Variants in PIP5K1C observed in about 807,000 individuals in gnomAD.
The protein encoded by PIP5K1C is phosphatidylinositol 4-phosphate 5-kinase type-1 gamma.
In PIP5K1C, 45 loss-of-function variants were observed where a neutral mutation model predicts 80.1. The observed-to-expected ratio is 0.56, with a 90% confidence interval of 0.44 to 0.72. The LOEUF (loss-of-function observed/expected upper bound fraction) is 0.72. PIP5K1C is among the 30% of genes least tolerant of loss of function. PIP5K1C has a pLI of 0.00. For missense variants in PIP5K1C, 753 were observed against 954.6 expected (o/e 0.79, Z 2.78); for synonymous variants, 498 against 420.1 (o/e 1.19, Z -2.27).
rs374354205 is a variant in PIP5K1C, at chr19:3,635,708, G to A, written c.1921-2188C>T. On this transcript the variant is annotated intron_variant, in intron 16 of 17. Coordinates refer to ENST00000335312, the MANE Select transcript of PIP5K1C (RefSeq NM_012398.3). The stretch of plus-strand genomic sequence containing the variant: ...AAAAAAAACAAACAAGGCTGGGCGC[G>A]GTGGCTTACGCCTGTAATCCCAGCA... Among the ~76,000 whole-genome samples, 60 of 151,390 alleles carry A rather than the reference G, an allele frequency of 4.0e-4. No individual in the cohort carries two copies. In the East Asian group the frequency reaches 6.5e-3, roughly 16 times the overall value.
chr19:3,651,251 T>C (rs536866101), intron 8 of PIP5K1C, among the ~76,000 whole-genome samples: 275 of 152,020 alleles, frequency 1.8e-3, no homozygotes, highest in African/African-American at 6.4e-3. Flanking sequence ...AGATGGGGTC[T>C]TGCCATGTTG....
At chr19:3,651,604 C>G (rs2034452966) in intron 8 of PIP5K1C, among the ~76,000 whole-genome samples, 1 of 152,254 alleles carries the variant, frequency 6.6e-6, no homozygotes, top group Admixed American at 6.5e-5. Context: ...AACGCCCCCA[C>G]CATTGCAAGC....
In PIP5K1C at chr19:3,696,976, G is replaced by C. The variant is rs183554217; in HGVS notation, c.94+3321C>G. 1.3e-3 allele frequency among the ~76,000 whole-genome samples: 197 copies of C among 152,110 alleles called. 1 individual carries two copies. The highest frequency in any genetic ancestry group is 4.5e-3 in the African/African-American group (188 of 41,508). ...GGGCAAAGGAGGACTGAGCTGGACC[G>C]AGGAGGACTGAGCTGGACGGAGGAG... is the stretch of plus-strand genomic sequence containing the variant. On this transcript the variant is annotated intron_variant, in intron 1 of 17. Coordinates refer to ENST00000335312, the MANE Select transcript of PIP5K1C (RefSeq NM_012398.3). The surrounding 1 kb of genome is among the most constrained non-coding windows in gnomAD (Gnocchi z 4.1).
chr19:3,663,747 G>A (rs145756550), intron 3 of PIP5K1C, among the ~76,000 whole-genome samples: 13 of 152,336 alleles, frequency 8.5e-5, no homozygotes, highest in Middle Eastern at 3.4e-3. Flanking sequence ...GTGAGGACAC[G>A]GGGACGCTGG....
chr19:3,695,939 C>G (rs952477275), intron 1 of PIP5K1C, among the ~76,000 whole-genome samples: 1 of 152,016 alleles, frequency 6.6e-6, no homozygotes, highest in Non-Finnish European at 1.5e-5. Context: ...TATGTTGCTC[C>G]AGGCTGGTCT....
chr19:3,638,514 C>A (rs1230989153), intron 16 of PIP5K1C, among the ~76,000 whole-genome samples: 1 of 152,252 alleles, frequency 6.6e-6, no homozygotes, highest in Admixed American at 6.5e-5. Context: ...TGTGCCAGGG[C>A]CTCCCGAGGG....
chr19:3,660,925 C>T, intron 5 of PIP5K1C, 41 bp downstream of exon 5: 2 of 1,508,126 alleles, frequency 1.3e-6, no homozygotes, highest in South Asian at 1.1e-5. Flanking sequence ...TGAACATGTT[C>T]TGTTTCAAGC....
chr19:3,641,880 G>A (rs2033977728), intron 14 of PIP5K1C, 71 bp from the exon 15 acceptor site: 1 of 1,244,666 alleles, frequency 8.0e-7, no homozygotes, highest in Non-Finnish European at 1.2e-6. Flanking sequence ...GGAGTGCCCA[G>A]TGAACTCCAG....
In PIP5K1C at chr19:3,648,759, G is replaced by A. The variant is rs759179046; in HGVS notation, c.1128-51C>T. On this transcript the variant is annotated intron_variant, in intron 8 of 17. Coordinates refer to ENST00000335312, the MANE Select transcript of PIP5K1C (RefSeq NM_012398.3). The surrounding 1 kb of genome is among the most constrained non-coding windows in gnomAD (Gnocchi z 4.3). ...TCAGCATCCCGCAGAGCTGGGACTC[G>A]GGGCAGGCGGGGCTGGGGACTCCAG... The A allele has an allele frequency of 1.5e-5, 22 of 1,500,460 alleles. No individual in the cohort carries two copies. The Middle Eastern group carries it at 6.8e-4, about 47-fold the overall frequency. The allele number at this position is 1,500,460 out of a possible 1,614,324, so 92.9% of individuals were successfully genotyped here. A position where few individuals can be genotyped will look rare whatever the true frequency, so the allele number is the denominator to read the frequency against.
intron 16 of PIP5K1C, among the ~76,000 whole-genome samples, chr19:3,634,179 C>T (rs554318428): frequency 6.6e-6 from 1 of 150,436 alleles, no homozygotes; most frequent in Non-Finnish European, 1.5e-5. Flanking sequence ...TGCAGGGACA[C>T]GGACAGCTCT....
intron 3 of PIP5K1C, among the ~76,000 whole-genome samples, chr19:3,663,580 G>C (rs1260196807): frequency 6.6e-6 from 1 of 152,238 alleles, no homozygotes; most frequent in African/African-American, 2.4e-5. Flanking sequence ...TCGGGAGGCC[G>C]GGGTGGGAGG....
rs1281686630 is a variant in PIP5K1C, at chr19:3,661,756, CGCCAGGAGGG to C, written c.350+105_350+114del. 56 of 1,292,786 alleles carry C rather than the reference CGCCAGGAGGG, an allele frequency of 4.3e-5. No homozygotes were observed. The Admixed American group carries it at 4.8e-4, about 11-fold the overall frequency. 80.1% of individuals were successfully genotyped at this position (1,292,786 alleles called of 1,614,324 possible). ...GGGCCAGAGCTCAAGGCCAAGGAGG[CGCCAGGAGGG>C]GCCAGGTGCTGCTTTCAGCAGAGAA... On this transcript the variant is annotated intron_variant, in intron 4 of 17. Coordinates refer to ENST00000335312, the MANE Select transcript of PIP5K1C (RefSeq NM_012398.3).
At chr19:3,684,403 G>C (rs1196127022) in intron 1 of PIP5K1C, among the ~76,000 whole-genome samples, 1 of 152,176 alleles carries the variant, frequency 6.6e-6, no homozygotes, top group Admixed American at 6.6e-5. Context: ...AAAGTGGGCG[G>C]GTCTCAAGCC....
Position 3,662,018 on chromosome 19 carries a change from G to A in PIP5K1C, c.220-17C>T. 6.3e-7 allele frequency: 1 copy of A among 1,576,308 alleles called. No individual in the cohort carries two copies. Among genetic ancestry groups the A allele is most frequent in the Non-Finnish European group, 8.6e-7 (1 of 1,164,278 alleles). ...GGAGGTGGTCTGCAGGGAGACCAGAGTGTCAGGGCCCCCGGCTGCTCCCCA... is the reference window on the plus strand; with the variant it reads ...GGAGGTGGTCTGCAGGGAGACCAGAATGTCAGGGCCCCCGGCTGCTCCCCA... On this transcript the variant is annotated splice_polypyrimidine_tract_variant and intron_variant, in intron 3 of 17. Transcript: ENST00000335312.
chr19:3,694,912 G>A (rs533785545), intron 1 of PIP5K1C, among the ~76,000 whole-genome samples: 1 of 152,328 alleles, frequency 6.6e-6, no homozygotes, highest in Non-Finnish European at 1.5e-5. Context: ...GTAAAGGACC[G>A]GGCAGCAAGT....
At chr19:3,652,467 G>A (rs2034488223) in intron 7 of PIP5K1C, among the ~76,000 whole-genome samples, 1 of 152,190 alleles carries the variant, frequency 6.6e-6, no homozygotes, top group Admixed American at 6.5e-5. Flanking sequence ...GGGGGTATGG[G>A]TCAAGTTCTC....
intron 5 of PIP5K1C, among the ~76,000 whole-genome samples, chr19:3,656,971 G>A (rs1347035074): frequency 6.6e-6 from 1 of 152,230 alleles, no homozygotes; most frequent in Non-Finnish European, 1.5e-5. Flanking sequence ...ACAGATGGGC[G>A]ACAGGCAGCT....
intron 7 of PIP5K1C, among the ~76,000 whole-genome samples, chr19:3,652,500 T>G (rs929884154): frequency 6.6e-6 from 1 of 151,882 alleles, no homozygotes; most frequent in Non-Finnish European, 1.5e-5. Context: ...GAGCTGGGGA[T>G]GGTCAGCAGC....
chr19:3,682,702 A>C (rs1395596409), intron 1 of PIP5K1C, among the ~76,000 whole-genome samples: 1 of 152,088 alleles, frequency 6.6e-6, no homozygotes, highest in Non-Finnish European at 1.5e-5. Context: ...AAAAATTAAA[A>C]AAATAAAAAA....
Sources: allele counts gnomAD v4.1 joint callset (sites outside exome capture counted in the v4.1 genomes callset), GRCh38; gene constraint gnomAD v4.1.1; non-coding constraint Gnocchi (gnomAD v3.1); transcripts MANE v1.5; gene names NCBI Gene and HGNC (gene_info 2026-07-23, HGNC 2026-07-21).